The following SFTPD variants were observed in gnomAD, a reference collection of about 807,000 sequenced individuals.
SFTPD encodes pulmonary surfactant-associated protein D.
A neutral mutation model predicts 34.6 loss-of-function variants in SFTPD; 18 were observed. The observed-to-expected ratio is 0.52, with a 90% CI of 0.36 to 0.77. The LOEUF (loss-of-function observed/expected upper bound fraction) is 0.77, where lower values mean the gene tolerates loss of function less well. SFTPD is among the 30% of genes least tolerant of loss of function. The pLI, the probability that SFTPD is intolerant of heterozygous loss-of-function variation, is 0.00. For missense variants in SFTPD, 433 were observed against 468.9 expected (o/e 0.92, Z 0.71); for synonymous variants, 155 against 180.9 (o/e 0.86, Z 1.15).
intron 1 of SFTPD, among the ~76,000 whole-genome samples, chr10:79,957,440 C>T (rs1465743157): frequency 5.3e-5 from 8 of 152,138 alleles, no homozygotes; most frequent in Admixed American, 6.5e-5. Flanking sequence ...ATAACCAATG[C>T]AGAGAAGTCC....
intron 1 of SFTPD, chr10:79,981,827 G>T (rs1247219677): frequency 2.4e-5 from 5 of 209,100 alleles, no homozygotes; most frequent in African/African-American, 4.8e-5. Context: ...GCCCAGACCG[G>T]CAGTGGCCTT....
At chr10:79,952,642 C>T (rs981518947), upstream of SFTPD, among the ~76,000 whole-genome samples, 1 of 152,140 alleles carries the variant, frequency 6.6e-6, no homozygotes, top group African/African-American at 2.4e-5. Flanking sequence ...TCCCACCCGT[C>T]CCCTGTGGTT....
chr10:79,953,785 T>C (rs1842724152), upstream of SFTPD, among the ~76,000 whole-genome samples: 1 of 152,138 alleles, frequency 6.6e-6, no homozygotes, highest in Non-Finnish European at 1.5e-5. Context: ...ACACCCATAA[T>C]ACACAGAAAG....
chr10:79,968,216 G>A (rs887462034), intron 1 of SFTPD: 2 of 37,092 alleles, frequency 5.4e-5, no homozygotes, highest in Non-Finnish European at 9.9e-5. Context: ...TTTAGATTTA[G>A]GGTGTACCTG....
At chr10:79,977,654 C>A (rs1842870311) in intron 1 of SFTPD, among the ~76,000 whole-genome samples, 1 of 152,198 alleles carries the variant, frequency 6.6e-6, no homozygotes, top group Non-Finnish European at 1.5e-5. Context: ...AGCCCTCTTG[C>A]CAGCTGGAAT....
chr10:79,975,389 TA>T lies in SFTPD; in HGVS notation c.36+7185del. ...CTCCTCATCAGTGTGAAAAAGTTCC[TA>T]GGTGGAATGAACCAGACCCCACACT... On this transcript the variant is annotated intron_variant, in intron 1 of 5. Transcript: ENST00000444384. Among the ~76,000 whole-genome samples the T allele has an allele frequency of 2.0e-5, 3 of 152,318 alleles. No individual in the cohort carries two copies. The Middle Eastern group carries it at 0.01, about 518-fold the overall frequency.
At chr10:79,968,927 T>C (rs938244346) in intron 1 of SFTPD, 4 of 152,218 alleles carry the variant, frequency 2.6e-5, no homozygotes, top group Admixed American at 6.5e-5. Flanking sequence ...ATTAGTGATA[T>C]TGAGCATTTT....
chr10:79,974,270 C>T (rs1411103441), intron 1 of SFTPD, among the ~76,000 whole-genome samples: 3 of 152,244 alleles, frequency 2.0e-5, no homozygotes, highest in Admixed American at 1.3e-4. Flanking sequence ...TGAGTTGACG[C>T]CATTCTCCTG....
intron 1 of SFTPD, among the ~76,000 whole-genome samples, chr10:79,964,130 AACTCGAGCCCTC>A (rs1331361188): frequency 1.3e-5 from 2 of 152,126 alleles, no homozygotes; most frequent in African/African-American, 4.8e-5. Flanking sequence ...TCATTGCCCT[AACTCGAGCCCTC>A]ACTCTTGCAA....
At position 79,943,009 on chromosome 10, in the gene SFTPD, G is replaced by A. The variant is rs1842629751; in HGVS notation, c.200-130C>T. The A allele has an allele frequency of 6.3e-6, 4 of 635,920 alleles. No homozygotes were observed. In the Admixed American group the frequency reaches 1.1e-4, roughly 17 times the overall value. 39.4% of individuals were successfully genotyped at this position (635,920 alleles called of 1,614,324 possible). On this transcript the variant is annotated intron_variant, in intron 2 of 7. Transcript: ENST00000372292. ...GAGACTTCCACCGTCACACACCCAG[G>A]CCCAGTGGTGATCCAGGAAATGGGT...
chr10:79,939,843 T>C (rs1842594304), intron 7 of SFTPD, among the ~76,000 whole-genome samples: 1 of 152,152 alleles, frequency 6.6e-6, no homozygotes, highest in South Asian at 2.1e-4. Context: ...AAAGCTGATA[T>C]CAGGAAAGGC....
intron 1 of SFTPD, among the ~76,000 whole-genome samples, chr10:79,976,079 CCCAA>C (rs5786430): frequency 0.059 from 8,966 of 152,230 alleles, 577 homozygotes; most frequent in East Asian, 0.39. Context: ...GGGGCCTGTT[CCCAA>C]CACAGAAGTG....
At position 79,942,524 on chromosome 10, in the gene SFTPD, C is replaced by T. The variant is rs570860706; in HGVS notation, c.317-20G>A. 159 of 1,495,028 alleles carry T rather than the reference C, an allele frequency of 1.1e-4. 1 individual carries two copies. Among genetic ancestry groups the T allele is most frequent in the Admixed American group, 1.1e-3 (63 of 59,732 alleles). The allele number at this position is 1,495,028 out of a possible 1,614,324, so 92.6% of individuals were successfully genotyped here. A position where few individuals can be genotyped will look rare whatever the true frequency, so the allele number is the denominator to read the frequency against. On this transcript the variant is annotated intron_variant, in intron 3 of 7. Coordinates refer to ENST00000372292, the MANE Select transcript of SFTPD (RefSeq NM_003019.5). ...GAGGTCCTGAGCAAAAGCACCAGCC[C>T]GGTCAGTAACAATGAATCCTCTTGG...
chr10:79,942,013 GGGCCTGCGA>G lies in SFTPD; in HGVS notation c.482_490del (p.Leu161_Gly163del). On this transcript the variant is annotated inframe_deletion, in exon 5 of 8. Transcript: ENST00000372292. Reference sequence around the variant, plus strand: ...ACCAGGGACACCTCGCTCTCCCTTAGGGCCTGCGAGGCCTCTTGCCCCTGCCGAGCCCTG... The same window carrying G: ...ACCAGGGACACCTCGCTCTCCCTTAGGGCCTCTTGCCCCTGCCGAGCCCTG... 1 of 1,614,068 alleles carries G rather than the reference GGGCCTGCGA, an allele frequency of 6.2e-7. No individual in the cohort carries two copies. Among genetic ancestry groups the G allele is most frequent in the Non-Finnish European group, 8.5e-7 (1 of 1,180,004 alleles).
chr10:79,978,694 A>G (rs1842875713), intron 1 of SFTPD, among the ~76,000 whole-genome samples: 1 of 146,874 alleles, frequency 6.8e-6, no homozygotes, highest in Non-Finnish European at 1.5e-5. Flanking sequence ...GAATGAATGT[A>G]CCTCAACAAA....
At chr10:79,962,242 A>C (rs1589340802) in intron 1 of SFTPD, among the ~76,000 whole-genome samples, 1 of 151,532 alleles carries the variant, frequency 6.6e-6, no homozygotes. Context: ...ACATGTATAC[A>C]TATGTAACAA....
intron 1 of SFTPD, chr10:79,982,191 C>T (rs551221974): frequency 2.1e-6 from 1 of 472,022 alleles, no homozygotes; most frequent in East Asian, 4.2e-5. Flanking sequence ...AGGAGCCGCA[C>T]GCGCACGTAC....
intron 1 of SFTPD, chr10:79,970,887 A>G (rs555368722): frequency 6.6e-6 from 1 of 152,288 alleles, no homozygotes; most frequent in South Asian, 2.1e-4. Context: ...TGCCTAGAAC[A>G]TCATCCAATA....
In SFTPD at chr10:79,966,518, T is replaced by C. The variant is rs1244412147; in HGVS notation, c.36+16057A>G. 1.7e-3 allele frequency among the ~76,000 whole-genome samples: 227 copies of C among 137,420 alleles called. 10 individuals are homozygous for C. Among genetic ancestry groups the C allele is most frequent in the Non-Finnish European group, 6.1e-4 (40 of 65,802 alleles). 90.2% of individuals were successfully genotyped at this position (137,420 alleles called of 152,430 possible). A position where few individuals can be genotyped will look rare whatever the true frequency, so the allele number is the denominator to read the frequency against. ...AGATGAGTAGGTTGCGAAAATTTTCTCCCATGTTGTAGATTGCCTGTTCAC... is the reference window on the plus strand; with the variant it reads ...AGATGAGTAGGTTGCGAAAATTTTCCCCCATGTTGTAGATTGCCTGTTCAC... On this transcript the variant is annotated intron_variant, in intron 1 of 5. Coordinates refer to the SFTPD transcript ENST00000444384.
Sources: allele counts gnomAD v4.1 joint callset (sites outside exome capture counted in the v4.1 genomes callset), GRCh38; gene constraint gnomAD v4.1.1; transcripts MANE v1.5; gene names NCBI Gene and HGNC (gene_info 2026-07-23, HGNC 2026-07-21).